The following HPSE2 variants were observed in gnomAD, a reference collection of about 807,000 sequenced individuals.
HPSE2 encodes the protein heparanase 2 (inactive), also known as inactive heparanase-2.
HPSE2 carries 38 observed loss-of-function variants against 60.5 expected under a neutral mutation model. The observed-to-expected ratio is 0.63, with a 90% CI of 0.48 to 0.82. The LOEUF (loss-of-function observed/expected upper bound fraction) is 0.82, where lower values mean the gene tolerates loss of function less well. Ranked by LOEUF, HPSE2 falls within the 40% of genes least tolerant of loss-of-function variation. The pLI, the probability that HPSE2 is intolerant of heterozygous loss-of-function variation, is 0.00. For synonymous variants in HPSE2, 295 were observed against 293.2 expected (o/e 1.01, Z -0.06); for missense variants, 713 against 740.4 (o/e 0.96, Z 0.43).
At chr10:99,245,366 T>C in the HPSE2 span, among the ~76,000 whole-genome samples, 4 of 152,238 alleles carry the variant, frequency 2.6e-5, no homozygotes, top group Admixed American at 2.0e-4. Context: ...CATTATTTAA[T>C]CTATTTGATT....
the HPSE2 span, among the ~76,000 whole-genome samples, chr10:99,241,933 A>G: frequency 6.6e-6 from 1 of 152,246 alleles, no homozygotes; most frequent in African/African-American, 2.4e-5. Flanking sequence ...TCTATCTAAT[A>G]TAATATGGTG....
chr10:98,476,776 T>G (rs1941040173), intron 11 of HPSE2, among the ~76,000 whole-genome samples: 1 of 151,428 alleles, frequency 6.6e-6, no homozygotes, highest in Non-Finnish European at 1.5e-5. Flanking sequence ...GGTGACAGGG[T>G]GGGAGTCTGT....
chr10:98,499,194 T>C (rs1041415648), intron 9 of HPSE2, among the ~76,000 whole-genome samples: 22 of 152,156 alleles, frequency 1.4e-4, no homozygotes, highest in Admixed American at 9.8e-4. Context: ...CCTAGGCATA[T>C]TGTCATCAGG....
At chr10:99,137,659 A>G (rs970935965) in intron 3 of HPSE2, among the ~76,000 whole-genome samples, 1 of 152,224 alleles carries the variant, frequency 6.6e-6, no homozygotes, top group Admixed American at 6.5e-5. Flanking sequence ...TTCCCTATTT[A>G]ATAAATGTTG....
At chr10:98,658,130 T>C (rs1003199688) in intron 6 of HPSE2, among the ~76,000 whole-genome samples, 4 of 152,188 alleles carry the variant, frequency 2.6e-5, no homozygotes, top group African/African-American at 9.6e-5. Context: ...TTTGGGGTTA[T>C]AGGGTAAAGT....
intron 3 of HPSE2, among the ~76,000 whole-genome samples, chr10:99,075,971 CA>C (rs1842939493): frequency 6.6e-6 from 1 of 152,110 alleles, no homozygotes; most frequent in Non-Finnish European, 1.5e-5. Flanking sequence ...TTAATTCATT[CA>C]GCCACACTAT....
At chr10:99,168,070 G>A (rs1485184191) in intron 2 of HPSE2, among the ~76,000 whole-genome samples, 1 of 142,704 alleles carries the variant, frequency 7.0e-6, no homozygotes, top group Non-Finnish European at 1.5e-5. Context: ...TGCATCTATT[G>A]AGGTGATCAG....
intron 3 of HPSE2, among the ~76,000 whole-genome samples, chr10:98,943,566 C>T (rs1056200631): frequency 1.3e-5 from 2 of 152,086 alleles, no homozygotes; most frequent in African/African-American, 4.8e-5. Context: ...CATGGTGTGT[C>T]ACTTCCAAGA....
rs563937512 is a variant in HPSE2 at position 98,527,118 on chromosome 10, C to A, written c.1321-36922G>T. On this transcript the variant is annotated intron_variant, in intron 9 of 11. Transcript: ENST00000370552. ...CCACATGTCCTTTAATTTCTACCTC[C>A]TGATATCTTTCATCTGTCCCCTTCT... Among the ~76,000 whole-genome samples the A allele has an allele frequency of 3.3e-5, 5 of 152,242 alleles. No individual in the cohort carries two copies. In the South Asian group the frequency reaches 1.0e-3, roughly 32 times the overall value.
chr10:98,967,821 G>C (rs1235277374), intron 3 of HPSE2, among the ~76,000 whole-genome samples: 2 of 152,162 alleles, frequency 1.3e-5, no homozygotes, highest in Non-Finnish European at 2.9e-5. Flanking sequence ...GGAGAGCCCA[G>C]AAACAACCCA....
chr10:98,567,177 AGTGGT>A, intron 9 of HPSE2, among the ~76,000 whole-genome samples: 1 of 152,204 alleles, frequency 6.6e-6, no homozygotes, highest in Non-Finnish European at 1.5e-5. Context: ...CAAGCAACAC[AGTGGT>A]AAAGGGATTC....
intron 3 of HPSE2, among the ~76,000 whole-genome samples, chr10:98,960,466 GATTA>G (rs1223186647): frequency 1.3e-5 from 2 of 151,934 alleles, no homozygotes; most frequent in African/African-American, 2.4e-5. Flanking sequence ...GAGTTAAAAA[GATTA>G]ATCAAGAATA....
rs903990431 is a variant in HPSE2, at chr10:98,539,377, C to T, written c.1321-49181G>A. Among the ~76,000 whole-genome samples, 17 of 152,136 alleles carry T rather than the reference C, an allele frequency of 1.1e-4. No individual in the cohort carries two copies. In the South Asian group the frequency reaches 1.5e-3, roughly 13 times the overall value. On this transcript the variant is annotated intron_variant, in intron 9 of 11. Transcript: ENST00000370552. Reference sequence around the variant, plus strand: ...TATCTACTAAAAATACAACATTAGCCGGGCGTGGTGGTGCATGCCTGTAAT... The same window carrying T: ...TATCTACTAAAAATACAACATTAGCTGGGCGTGGTGGTGCATGCCTGTAAT...
At chr10:99,198,640 A>G (rs1331669325) in intron 2 of HPSE2, among the ~76,000 whole-genome samples, 1 of 152,210 alleles carries the variant, frequency 6.6e-6, no homozygotes. Context: ...ATGTACATAT[A>G]ATAAACTTTA....
At chr10:99,004,518 A>C (rs1956849640) in intron 3 of HPSE2, among the ~76,000 whole-genome samples, 1 of 152,108 alleles carries the variant, frequency 6.6e-6, no homozygotes, top group African/African-American at 2.4e-5. Flanking sequence ...ATTGCATTAA[A>C]AAAAACTAAA....
the HPSE2 span, among the ~76,000 whole-genome samples, chr10:99,266,796 G>C: frequency 6.6e-6 from 1 of 152,168 alleles, no homozygotes; most frequent in Non-Finnish European, 1.5e-5. Flanking sequence ...CCATGGCTGA[G>C]AGACCTGAAG....
intron 3 of HPSE2, among the ~76,000 whole-genome samples, chr10:98,956,665 T>C (rs1293806101): frequency 6.6e-6 from 1 of 152,178 alleles, no homozygotes; most frequent in Non-Finnish European, 1.5e-5. Flanking sequence ...ACTTCTTTCC[T>C]TTTACAGTTC....
intron 3 of HPSE2, among the ~76,000 whole-genome samples, chr10:98,982,442 T>G (rs374142976): frequency 1.1e-4 from 16 of 152,326 alleles, no homozygotes; most frequent in African/African-American, 3.6e-4. Flanking sequence ...TTCTCATCGA[T>G]TCAAATTCCT....
chr10:99,230,939 C>T (rs1849624136), intron 2 of HPSE2, among the ~76,000 whole-genome samples: 1 of 152,216 alleles, frequency 6.6e-6, no homozygotes, highest in East Asian at 1.9e-4. Context: ...ATAGGAGGTG[C>T]TGTTAAAGAC....
Sources: allele counts gnomAD v4.1 joint callset (sites outside exome capture counted in the v4.1 genomes callset), GRCh38; gene constraint gnomAD v4.1.1; transcripts MANE v1.5; gene names NCBI Gene and HGNC (gene_info 2026-07-23, HGNC 2026-07-21).